Variants in TRIM2 observed in about 807,000 individuals in gnomAD.
TRIM2 encodes the protein tripartite motif containing 2.
TRIM2 carries 20 observed loss-of-function variants against 75.2 expected under a neutral mutation model. The ratio of observed to expected loss-of-function variants is 0.27; its 90% CI spans 0.19 to 0.39. TRIM2 has a LOEUF of 0.39. Among genes scored for constraint, TRIM2 ranks in the 10% least tolerant of loss-of-function variants. TRIM2 has a pLI of 1.00. For synonymous variants in TRIM2, 373 were observed against 388.3 expected (o/e 0.96, Z 0.46); for missense variants, 660 against 990.8 (o/e 0.67, Z 4.48).
chr4:153,240,796 T>C (rs1746351985), intron 1 of TRIM2, among the ~76,000 whole-genome samples: 2 of 152,218 alleles, frequency 1.3e-5, no homozygotes, highest in South Asian at 4.1e-4. Context: ...ATCGTTTCCC[T>C]GGCCGGGCGT....
At chr4:153,323,839 G>C (rs1384978019) in intron 9 of TRIM2, among the ~76,000 whole-genome samples, 2 of 152,144 alleles carry the variant, frequency 1.3e-5, no homozygotes, top group African/African-American at 2.4e-5. Context: ...AGGGCTGCTA[G>C]AACTCCCAGC....
rs118046349 is a variant in TRIM2, at chr4:153,309,002, T to C, written c.1511-6483T>C. ...TTCTTGCATTTCAAGTGGAAAAAGA[T>C]GCAACTAATATTGACTAAGTGCTAG... is the stretch of plus-strand genomic sequence containing the variant. On this transcript the variant is annotated intron_variant, in intron 6 of 11. Coordinates refer to ENST00000338700, the MANE Select transcript of TRIM2 (RefSeq NM_015271.5). Among the ~76,000 whole-genome samples, 291 of 152,292 alleles carry C rather than the reference T, an allele frequency of 1.9e-3. 2 individuals carry two copies. The East Asian group carries it at 0.05, about 26-fold the overall frequency.
At chr4:153,265,302 CG>C (rs1337826542) in intron 1 of TRIM2, among the ~76,000 whole-genome samples, 2 of 151,038 alleles carry the variant, frequency 1.3e-5, no homozygotes, top group Admixed American at 1.3e-4. Context: ...CTGATTTCGA[CG>C]GAAAAGTTTT....
At chr4:153,223,148 G>A (rs1483456064) in intron 1 of TRIM2, 5 of 152,468 alleles carry the variant, frequency 3.3e-5, no homozygotes, top group Non-Finnish European at 5.9e-5. Flanking sequence ...CGGGCGCTGC[G>A]GGGCTGGCAG....
chr4:153,198,970 A>G (rs527637998), intron 1 of TRIM2, among the ~76,000 whole-genome samples: 1 of 152,338 alleles, frequency 6.6e-6, no homozygotes, highest in Admixed American at 6.5e-5. Context: ...TGAACTGCAT[A>G]ATCTAATGGT....
At chr4:153,289,965 G>C (rs1304172824) in intron 3 of TRIM2, among the ~76,000 whole-genome samples, 2 of 152,192 alleles carry the variant, frequency 1.3e-5, no homozygotes, top group Admixed American at 1.3e-4. Flanking sequence ...ACATGTGACT[G>C]GCAGTGACAA....
In TRIM2 at chr4:153,334,880, C is replaced by T; in HGVS notation, c.2230C>T (p.Gln744Ter). 6.2e-7 allele frequency: 1 copy of T among 1,614,052 alleles called. No homozygotes were observed. The highest frequency in any genetic ancestry group is 8.5e-7 in the Non-Finnish European group (1 of 1,179,950). ...ATCTGCTGACCCACTCTATGGCCCCCAAGGCCTGGCCCTAACTTCAGATGG... is the reference window on the plus strand; with the variant it reads ...ATCTGCTGACCCACTCTATGGCCCCTAAGGCCTGGCCCTAACTTCAGATGG... ...NTSADPLYGPQGLALTSDGHV... is the reference protein window; with the variant it reads ...NTSADPLYGP Residue 744 changes from glutamine (Q) to a stop codon, truncating the protein, a stop_gained, in exon 12 of 12, where the codon CAA (glutamine) becomes TAA (stop). Transcript: ENST00000338700. LOFTEE classifies it high-confidence loss of function.
intron 1 of TRIM2, among the ~76,000 whole-genome samples, chr4:153,172,141 A>ATTTT (rs11418854): frequency 6.7e-6 from 1 of 148,926 alleles, no homozygotes; most frequent in Non-Finnish European, 1.5e-5. Flanking sequence ...TATGATAGTA[A>ATTTT]TTTTTTTTTT....
intron 1 of TRIM2, among the ~76,000 whole-genome samples, chr4:153,196,682 C>T (rs530024050): frequency 9.2e-4 from 140 of 152,328 alleles, no homozygotes; most frequent in Non-Finnish European, 1.6e-3. Context: ...GGTACATTTT[C>T]TTCCATCAGG....
intron 1 of TRIM2, among the ~76,000 whole-genome samples, chr4:153,167,857 G>A (rs1436499535): frequency 1.3e-5 from 2 of 152,184 alleles, no homozygotes; most frequent in Non-Finnish European, 2.9e-5. Context: ...GCTTCCAGGG[G>A]TTGCTGAAAG....
At chr4:153,321,405 A>T (rs371813637) in intron 8 of TRIM2, among the ~76,000 whole-genome samples, 14 of 152,350 alleles carry the variant, frequency 9.2e-5, no homozygotes, top group African/African-American at 3.4e-4. Context: ...AAGAAAAGTA[A>T]AGGTACAAGA....
At chr4:153,214,657 G>A (rs7662206) in intron 1 of TRIM2, among the ~76,000 whole-genome samples, 57,245 of 151,912 alleles carry the variant, frequency 0.38, 11,227 homozygotes, top group East Asian at 0.63. Flanking sequence ...TGCCTCTTTC[G>A]TATTTCTTAG....
At chr4:153,192,682 T>C (rs1560799543) in intron 1 of TRIM2, among the ~76,000 whole-genome samples, 1 of 151,164 alleles carries the variant, frequency 6.6e-6, no homozygotes, top group Non-Finnish European at 1.5e-5. Flanking sequence ...CAGTTCGATA[T>C]ATTGTGCCCA....
chr4:153,221,957 AAAG>A (rs1740408370), intron 1 of TRIM2, among the ~76,000 whole-genome samples: 1 of 83,194 alleles, frequency 1.2e-5, no homozygotes, highest in Non-Finnish European at 2.4e-5. Context: ...GGAAGGAAGG[AAAG>A]AGGGAGGAAG....
chr4:153,204,623 G>T, intron 1 of TRIM2, 63 bp downstream of exon 1: 10 of 1,546,276 alleles, frequency 6.5e-6, no homozygotes, highest in Non-Finnish European at 8.8e-6. Context: ...TCCGGGGCTG[G>T]GAGAAACAAG....
At chr4:153,183,344 C>T (rs896116951) in intron 1 of TRIM2, among the ~76,000 whole-genome samples, 3 of 152,202 alleles carry the variant, frequency 2.0e-5, no homozygotes, top group African/African-American at 7.2e-5. Flanking sequence ...GATAAATGTT[C>T]CTTGAAGGCA....
chr4:153,155,398 TA>T (rs1175724943), intron 1 of TRIM2, among the ~76,000 whole-genome samples: 14 of 152,184 alleles, frequency 9.2e-5, no homozygotes, highest in Non-Finnish European at 1.8e-4. Flanking sequence ...CACTGTACTT[TA>T]AAAAGAATAT....
intron 1 of TRIM2, among the ~76,000 whole-genome samples, chr4:153,258,529 G>T (rs1752641229): frequency 6.6e-6 from 1 of 151,964 alleles, no homozygotes; most frequent in South Asian, 2.1e-4. Context: ...TCTTTTGGGG[G>T]GATAGGAGAG....
Position 153,239,547 on chromosome 4 carries a change from C to T in TRIM2, c.31-30788C>T, listed in dbSNP as rs189576042. ...ATCACCATGATACTGCTTCACATCC[C>T]CTTTAGTGTAAAAGTGCCTTGTGTC... On this transcript the variant is annotated intron_variant, in intron 1 of 11. Coordinates refer to ENST00000338700, the MANE Select transcript of TRIM2 (RefSeq NM_015271.5). Among the ~76,000 whole-genome samples, 305 of 152,152 alleles carry T rather than the reference C, an allele frequency of 2.0e-3. 1 individual carries two copies. Among genetic ancestry groups the T allele is most frequent in the African/African-American group, 7.3e-3 (301 of 41,504 alleles).
Sources: allele counts gnomAD v4.1 joint callset (sites outside exome capture counted in the v4.1 genomes callset), GRCh38; gene constraint gnomAD v4.1.1; transcripts MANE v1.5; gene names NCBI Gene and HGNC (gene_info 2026-07-23, HGNC 2026-07-21).